Variants in RANBP2 observed in about 807,000 individuals in gnomAD.
The protein encoded by RANBP2 is RAN binding protein 2, also known as E3 SUMO-protein ligase RanBP2.
RANBP2 carries 57 observed loss-of-function variants against 303.6 expected under a neutral mutation model. That is an observed-to-expected ratio of 0.19 (90% CI 0.15 to 0.23). RANBP2 has a LOEUF of 0.23. RANBP2 is among the 10% of genes least tolerant of loss of function. The probability of loss-of-function intolerance (pLI) is 1.00; values close to 1 mark genes in which losing one functional copy is unlikely to be tolerated. For synonymous variants in RANBP2, 1,167 were observed against 1,301.5 expected (o/e 0.90, Z 2.23); for missense variants, 3,138 against 3,780.8 (o/e 0.83, Z 4.46).
At chr2:109,427,104 G>A in the RANBP2 span, among the ~76,000 whole-genome samples, 1 of 152,000 alleles carries the variant, frequency 6.6e-6, no homozygotes, top group Non-Finnish European at 1.5e-5. Context: ...TAGTAGCTGG[G>A]GTTGCAGGTG....
the RANBP2 span, among the ~76,000 whole-genome samples, chr2:109,547,670 A>G: frequency 6.6e-6 from 1 of 152,154 alleles, no homozygotes; most frequent in African/African-American, 2.4e-5. Flanking sequence ...TGGATCATAG[A>G]AGGCATATTT....
the RANBP2 span, among the ~76,000 whole-genome samples, chr2:108,823,585 T>G: frequency 6.6e-6 from 1 of 152,242 alleles, no homozygotes; most frequent in Non-Finnish European, 1.5e-5. Flanking sequence ...CTGTACAGCA[T>G]TTGCTATGCA....
the RANBP2 span, among the ~76,000 whole-genome samples, chr2:109,117,935 GC>G: frequency 1.3e-5 from 2 of 152,216 alleles, no homozygotes; most frequent in Admixed American, 1.3e-4. Flanking sequence ...GGAACAGAAT[GC>G]TGAAGAAGTG....
At chr2:109,137,530 A>AT in the RANBP2 span, among the ~76,000 whole-genome samples, 1 of 152,230 alleles carries the variant, frequency 6.6e-6, no homozygotes, top group Non-Finnish European at 1.5e-5. Context: ...TTTTCTGAAG[A>AT]TTCTTTTAAT....
At chr2:109,139,737 A>G in the RANBP2 span, among the ~76,000 whole-genome samples, 1 of 152,238 alleles carries the variant, frequency 6.6e-6, no homozygotes, top group Non-Finnish European at 1.5e-5. Flanking sequence ...CTCACAGTGC[A>G]GAAGGGCACC....
the RANBP2 span, among the ~76,000 whole-genome samples, chr2:109,168,919 C>T: frequency 6.6e-6 from 1 of 152,168 alleles, no homozygotes; most frequent in Non-Finnish European, 1.5e-5. Context: ...GACTCCTGAG[C>T]CAAACCTGAT....
the RANBP2 span, among the ~76,000 whole-genome samples, chr2:108,953,140 C>A: frequency 5.3e-5 from 8 of 152,194 alleles, no homozygotes; most frequent in Non-Finnish European, 1.0e-4. Flanking sequence ...TACAAATAAT[C>A]CATCTGTGCT....
chr2:109,273,248 C>A, the RANBP2 span, among the ~76,000 whole-genome samples: 8 of 152,226 alleles, frequency 5.3e-5, no homozygotes, highest in Admixed American at 3.3e-4. Context: ...GCCTGCCAGG[C>A]TGGGAAGGCA....
chr2:109,432,572 G>T, the RANBP2 span: 6 of 1,613,578 alleles, frequency 3.7e-6, no homozygotes, highest in Non-Finnish European at 5.1e-6. Context: ...GAGATGTACC[G>T]GGTCCTCGAG....
At chr2:109,486,602 G>A in the RANBP2 span, among the ~76,000 whole-genome samples, 1 of 152,182 alleles carries the variant, frequency 6.6e-6, no homozygotes, top group Non-Finnish European at 1.5e-5. Flanking sequence ...GCAGCTCAGC[G>A]AGGCAGATGG....
chr2:108,990,893 G>A, the RANBP2 span, among the ~76,000 whole-genome samples: 40,047 of 152,052 alleles, frequency 0.26, 7,162 homozygotes, highest in East Asian at 0.84. Flanking sequence ...ATGAATGGGA[G>A]GTATTCTGGG....
the RANBP2 span, among the ~76,000 whole-genome samples, chr2:109,133,293 G>A: frequency 6.6e-6 from 1 of 152,346 alleles, no homozygotes; most frequent in East Asian, 1.9e-4. Flanking sequence ...GTATCTTGAG[G>A]TACAGTGGTA....
At chr2:109,112,203 G>A in the RANBP2 span, among the ~76,000 whole-genome samples, 6 of 151,936 alleles carry the variant, frequency 3.9e-5, no homozygotes, top group Non-Finnish European at 4.4e-5. Context: ...CTGAGGAATC[G>A]CCACACTGAC....
chr2:109,266,822 T>A, the RANBP2 span, among the ~76,000 whole-genome samples: 1 of 152,094 alleles, frequency 6.6e-6, no homozygotes, highest in South Asian at 2.1e-4. Context: ...GGGAGTCACC[T>A]CATGTTATTT....
chr2:109,189,085 A>T, the RANBP2 span, among the ~76,000 whole-genome samples: 1 of 152,030 alleles, frequency 6.6e-6, no homozygotes, highest in Non-Finnish European at 1.5e-5. Context: ...CTCCCCCTGA[A>T]GCCACTCTCT....
chr2:109,615,724 G>A, the RANBP2 span: 1 of 1,613,850 alleles, frequency 6.2e-7, no homozygotes, highest in Non-Finnish European at 8.5e-7. Context: ...GGCGGCGGGC[G>A]CTGGAGGCTT....
the RANBP2 span, among the ~76,000 whole-genome samples, chr2:108,913,218 G>C: frequency 2.0e-5 from 3 of 151,964 alleles, no homozygotes. Context: ...CAAAGTGCTG[G>C]GATTACAGGC....
the RANBP2 span, among the ~76,000 whole-genome samples, chr2:108,921,801 C>T: frequency 6.6e-6 from 1 of 152,368 alleles, no homozygotes; most frequent in Non-Finnish European, 1.5e-5. Flanking sequence ...CGCATCTCCC[C>T]ATTTCCCAGA....
At chr2:108,864,049 A>G in the RANBP2 span, among the ~76,000 whole-genome samples, 1 of 152,192 alleles carries the variant, frequency 6.6e-6, no homozygotes, top group Admixed American at 6.5e-5. Context: ...GTGTAACACT[A>G]GACAATAATA....
Sources: allele counts gnomAD v4.1 joint callset (sites outside exome capture counted in the v4.1 genomes callset), GRCh38; gene constraint gnomAD v4.1.1; transcripts MANE v1.5; gene names NCBI Gene and HGNC (gene_info 2026-07-23, HGNC 2026-07-21).